The following TMEM117 variants were observed in gnomAD, a reference collection of about 807,000 sequenced individuals.
TMEM117 encodes the protein transmembrane protein 117.
In TMEM117, 27 loss-of-function variants were observed where a neutral mutation model predicts 52.4. The ratio of observed to expected loss-of-function variants is 0.51; its 90% CI spans 0.38 to 0.71. The LOEUF (loss-of-function observed/expected upper bound fraction) is 0.71, where lower values mean the gene tolerates loss of function less well. TMEM117 is among the 30% of genes least tolerant of loss of function. The pLI is 0.00. For synonymous variants in TMEM117, 215 were observed against 206.3 expected, an observed-to-expected ratio of 1.04 and a Z score of -0.36; for missense variants, 556 against 630.5, an observed-to-expected ratio of 0.88 and a Z score of 1.26.
At chr12:43,905,355 T>A (rs924790242) in intron 2 of TMEM117, among the ~76,000 whole-genome samples, 1 of 152,112 alleles carries the variant, frequency 6.6e-6, no homozygotes, top group African/African-American at 2.4e-5. Flanking sequence ...TCATCTGCAT[T>A]TTCTAGGCAC....
At chr12:43,997,641 C>T (rs1946053336) in intron 3 of TMEM117, among the ~76,000 whole-genome samples, 1 of 152,172 alleles carries the variant, frequency 6.6e-6, no homozygotes, top group Admixed American at 6.5e-5. Flanking sequence ...TCATTATCAT[C>T]ATTACCATTG....
chr12:44,360,066 C>A (rs917132999), intron 6 of TMEM117, among the ~76,000 whole-genome samples: 7 of 152,020 alleles, frequency 4.6e-5, no homozygotes, highest in Admixed American at 6.6e-5. Flanking sequence ...TCTCTGTATT[C>A]TTCTTAATTT....
At chr12:44,268,227 T>C (rs1394172460) in intron 5 of TMEM117, among the ~76,000 whole-genome samples, 1 of 151,986 alleles carries the variant, frequency 6.6e-6, no homozygotes, top group Middle Eastern at 3.2e-3. Context: ...AACCTCTGCC[T>C]CCCAGGTTCA....
At chr12:44,013,706 C>T (rs1946330905) in intron 3 of TMEM117, among the ~76,000 whole-genome samples, 1 of 151,956 alleles carries the variant, frequency 6.6e-6, no homozygotes. Context: ...GAGCCTCCAT[C>T]AGTTTATCAA....
At chr12:44,103,694 C>G (rs1385805354) in intron 3 of TMEM117, among the ~76,000 whole-genome samples, 1 of 151,992 alleles carries the variant, frequency 6.6e-6, no homozygotes, top group East Asian at 1.9e-4. Flanking sequence ...CCAGCACTTG[C>G]TACTGGAATC....
intron 6 of TMEM117, among the ~76,000 whole-genome samples, chr12:44,305,607 C>G (rs560329460): frequency 6.6e-6 from 1 of 151,364 alleles, no homozygotes; most frequent in African/African-American, 2.4e-5. Context: ...GAATGACATA[C>G]CATCTCACAG....
chr12:44,011,659 T>C (rs1946291480), intron 3 of TMEM117, among the ~76,000 whole-genome samples: 1 of 151,570 alleles, frequency 6.6e-6, no homozygotes, highest in Admixed American at 6.6e-5. Flanking sequence ...TATTCCTTAC[T>C]ATACATACAT....
At chr12:44,274,603 G>T (rs1479847529) in intron 5 of TMEM117, among the ~76,000 whole-genome samples, 6 of 152,046 alleles carry the variant, frequency 3.9e-5, no homozygotes, top group African/African-American at 1.4e-4. Flanking sequence ...CATAAACACA[G>T]ACACATAGAC....
intron 3 of TMEM117, among the ~76,000 whole-genome samples, chr12:43,951,582 G>A (rs1052779568): frequency 9.2e-5 from 14 of 152,308 alleles, no homozygotes; most frequent in East Asian, 7.7e-4. Context: ...TCAGCAGGCA[G>A]GGCCTCCCTG....
intron 3 of TMEM117, among the ~76,000 whole-genome samples, chr12:44,095,704 A>G (rs916635323): frequency 1.3e-5 from 2 of 152,096 alleles, no homozygotes; most frequent in Non-Finnish European, 2.9e-5. Context: ...TGACTCAAAG[A>G]TACAATAGCT....
chr12:44,222,953 A>G (rs1159328416), intron 5 of TMEM117, among the ~76,000 whole-genome samples: 2 of 152,072 alleles, frequency 1.3e-5, no homozygotes, highest in Non-Finnish European at 2.9e-5. Context: ...AAGGTGTTGA[A>G]ACTATTTAAT....
At chr12:43,842,537 G>GC (rs1943132217) in intron 1 of TMEM117, among the ~76,000 whole-genome samples, 1 of 152,150 alleles carries the variant, frequency 6.6e-6, no homozygotes, top group Admixed American at 6.6e-5. Context: ...GGTTGAATTG[G>GC]CATTCGTCAG....
the TMEM117 span, among the ~76,000 whole-genome samples, chr12:43,819,463 C>T: frequency 6.6e-6 from 1 of 151,994 alleles, no homozygotes; most frequent in African/African-American, 2.4e-5. Context: ...ATTATAGTAC[C>T]CATGACTGGG....
chr12:44,101,941 G>A (rs1381469469), intron 3 of TMEM117, among the ~76,000 whole-genome samples: 2 of 151,990 alleles, frequency 1.3e-5, no homozygotes, highest in Non-Finnish European at 2.9e-5. Flanking sequence ...GTATGTAACT[G>A]CTTTATTTTC....
At chr12:43,878,109 AG>A (rs1943835352) in intron 2 of TMEM117, among the ~76,000 whole-genome samples, 1 of 152,144 alleles carries the variant, frequency 6.6e-6, no homozygotes, top group Non-Finnish European at 1.5e-5. Context: ...AGGAAGACAA[AG>A]AAAAAATCAG....
chr12:43,829,466 G>T, the TMEM117 span, among the ~76,000 whole-genome samples: 2 of 152,078 alleles, frequency 1.3e-5, no homozygotes, highest in African/African-American at 4.8e-5. Flanking sequence ...TGGTGTATTT[G>T]GTACTTTACA....
chr12:43,833,494 G>T (rs1942994143), upstream of TMEM117, among the ~76,000 whole-genome samples: 1 of 152,074 alleles, frequency 6.6e-6, no homozygotes, highest in East Asian at 1.9e-4. Context: ...GTGACAGGGG[G>T]TTACAAATTA....
At chr12:44,393,533 C>T (rs902198883), downstream of TMEM117, among the ~76,000 whole-genome samples, 1 of 151,906 alleles carries the variant, frequency 6.6e-6, no homozygotes, top group African/African-American at 2.4e-5. Context: ...TTTGACTTGC[C>T]CGAGGACTGA....
At chr12:44,168,643 C>T (rs1949002791) in intron 4 of TMEM117, among the ~76,000 whole-genome samples, 1 of 151,974 alleles carries the variant, frequency 6.6e-6, no homozygotes, top group African/African-American at 2.4e-5. Context: ...ATGTTATTTT[C>T]TTGATAAAAG....
Sources: gnomAD v4.1 joint callset for allele counts (sites outside exome capture counted in the v4.1 genomes callset) on GRCh38, gnomAD v4.1.1 for gene constraint, MANE v1.5 for transcripts, NCBI Gene and HGNC (gene_info 2026-07-23, HGNC 2026-07-21) for gene names.